JAK2: variants seen among roughly 807,000 people sequenced by gnomAD.
JAK2 encodes tyrosine-protein kinase JAK2.
JAK2 carries 86 observed loss-of-function variants against 139.3 expected under a neutral mutation model. That is an observed-to-expected ratio of 0.62 (90% CI 0.52 to 0.74). JAK2 has a LOEUF of 0.74. Among genes scored for constraint, JAK2 ranks in the 30% least tolerant of loss-of-function variants. JAK2 has a pLI of 0.00. For missense variants in JAK2, 1,421 were observed against 1,360.3 expected (o/e 1.04, Z -0.70); for synonymous variants, 490 against 437.7 (o/e 1.12, Z -1.49).
intron 4 of JAK2, among the ~76,000 whole-genome samples, chr9:5,034,708 A>G (rs1043314421): frequency 2.0e-5 from 3 of 152,144 alleles, no homozygotes; most frequent in African/African-American, 4.8e-5. Flanking sequence ...AAGACACAAC[A>G]TACCAGAATC....
chr9:5,127,676 T>G lies in JAK2; in HGVS notation c.*885T>G. ...CATCCTTTGAGCTGCTGACTGCCAA[T>G]AACATTCTTCGATCTCTGGGATTTA... is the stretch of plus-strand genomic sequence containing the variant. On this transcript the variant is annotated 3_prime_UTR_variant, in exon 25 of 25. Coordinates refer to ENST00000381652, the MANE Select transcript of JAK2 (RefSeq NM_004972.4). 1 of 232,254 alleles carries G rather than the reference T, an allele frequency of 4.3e-6. No homozygotes were observed. The highest frequency in any genetic ancestry group is 8.5e-6 in the Non-Finnish European group (1 of 117,002). The allele number at this position is 232,254 out of a possible 1,614,324, so 14.4% of individuals were successfully genotyped here. A position where few individuals can be genotyped will look rare whatever the true frequency, so the allele number is the denominator to read the frequency against.
chr9:5,055,592 G>A (rs1482487964), intron 7 of JAK2, 77 bp from the exon 8 acceptor site: 17 of 1,135,312 alleles, frequency 1.5e-5, no homozygotes, highest in Non-Finnish European at 2.0e-5. Flanking sequence ...TGGAAAGAAT[G>A]TTGTCTTCTT....
intron 2 of JAK2, among the ~76,000 whole-genome samples, chr9:5,021,205 A>G (rs369844259): frequency 6.6e-5 from 10 of 152,050 alleles, no homozygotes; most frequent in African/African-American, 2.2e-4. Context: ...GGTGTTTTCT[A>G]TCACTTCTCT....
At chr9:5,095,407 C>G (rs1278150265) in intron 22 of JAK2, among the ~76,000 whole-genome samples, 1 of 152,160 alleles carries the variant, frequency 6.6e-6, no homozygotes, top group East Asian at 1.9e-4. Context: ...CAAATATTTT[C>G]TTACACAAGC....
chr9:5,031,852 T>G (rs1198901796), intron 4 of JAK2, among the ~76,000 whole-genome samples: 1 of 152,190 alleles, frequency 6.6e-6, no homozygotes, highest in African/African-American at 2.4e-5. Flanking sequence ...ACGGGTGATT[T>G]CTGCATTTCC....
intron 22 of JAK2, among the ~76,000 whole-genome samples, chr9:5,106,648 C>T (rs10974964): frequency 0.24 from 36,946 of 152,172 alleles, 4,906 homozygotes; most frequent in South Asian, 0.3. Flanking sequence ...TTGGAACCAA[C>T]CCAAATGCCC....
chr9:5,008,358 C>T (rs1007754377), intron 2 of JAK2, among the ~76,000 whole-genome samples: 3 of 152,070 alleles, frequency 2.0e-5, no homozygotes, highest in African/African-American at 7.3e-5. Flanking sequence ...ATGCATTCTT[C>T]AGTTGTTAGG....
In JAK2 at chr9:5,054,590, T is replaced by A. The variant is rs1276845749; in HGVS notation, c.642T>A (p.Ile214=). 1 of 1,597,396 alleles carries A rather than the reference T, an allele frequency of 6.3e-7. No homozygotes were observed. Among genetic ancestry groups the A allele is most frequent in the South Asian group, 1.1e-5 (1 of 88,828 alleles). Residue 214 remains isoleucine, a synonymous_variant, in exon 7 of 25, where the codon ATT becomes ATA. Transcript: ENST00000381652. This position sits in a 1 kb window ranked among gnomAD's most constrained non-coding sequence, Gnocchi z 4.9. ...ISYKTFLPKC[I]RAKIQDYHIL... ...ACAAGACATTCTTACCAAAATGTAT[T>A]CGAGCAAAGATCCAAGACTATCATA...
intron 22 of JAK2, chr9:5,112,652 C>A: frequency 1.0e-6 from 1 of 984,174 alleles, no homozygotes; most frequent in Non-Finnish European, 1.4e-6. Flanking sequence ...CCAGACCAAA[C>A]TCCTTATCCT....
chr9:5,090,681 A>G (rs1586772457), intron 21 of JAK2, 58 bp from the exon 22 acceptor site: 1 of 1,541,592 alleles, frequency 6.5e-7, no homozygotes, highest in African/African-American at 1.4e-5. Context: ...TAGGGTTAAG[A>G]CCATTTAAAT....
intron 22 of JAK2, among the ~76,000 whole-genome samples, chr9:5,115,062 G>C (rs1586827629): frequency 6.6e-6 from 1 of 152,162 alleles, no homozygotes; most frequent in African/African-American, 2.4e-5. Context: ...AGCCAAAATA[G>C]ACAGATGGGA....
intron 2 of JAK2, among the ~76,000 whole-genome samples, chr9:5,008,864 G>T (rs746000661): frequency 6.6e-6 from 1 of 151,918 alleles, no homozygotes; most frequent in Non-Finnish European, 1.5e-5. Context: ...GTACTCCCTG[G>T]ATTGATCCTC....
At chr9:5,114,520 A>C in intron 22 of JAK2, 2 of 470,010 alleles carry the variant, frequency 4.3e-6, no homozygotes. Context: ...GCAACGCTAG[A>C]AGAGCCGAGG....
rs555832044 is a variant in JAK2 at position 5,005,876 on chromosome 9, A to G, written c.-25-16087A>G. 2.4e-3 allele frequency among the ~76,000 whole-genome samples: 365 copies of G among 152,286 alleles called. 2 individuals carry two copies. Among genetic ancestry groups the G allele is most frequent in the African/African-American group, 8.3e-3 (347 of 41,558 alleles). ...ATATCTCTGTTTTGCTACCAGTACC[A>G]TGCTGTTTTGGTTACTGTAGCCTTG... On this transcript the variant is annotated intron_variant, in intron 2 of 24. Coordinates refer to ENST00000381652, the MANE Select transcript of JAK2 (RefSeq NM_004972.4).
At chr9:5,013,314 A>G (rs1345707544) in intron 2 of JAK2, among the ~76,000 whole-genome samples, 1 of 152,262 alleles carries the variant, frequency 6.6e-6, no homozygotes, top group Non-Finnish European at 1.5e-5. Context: ...GTATAGGAAT[A>G]ATTGTAGGAA....
chr9:5,015,606 T>A (rs1304834202), intron 2 of JAK2, among the ~76,000 whole-genome samples: 2 of 151,684 alleles, frequency 1.3e-5, no homozygotes. Context: ...ATGAGCACAA[T>A]CACTGCTCAC....
intron 22 of JAK2, chr9:5,100,185 G>C (rs1821357134): frequency 6.6e-6 from 1 of 152,052 alleles, no homozygotes; most frequent in African/African-American, 2.4e-5. Flanking sequence ...ACCTTATTCA[G>C]GCTTATGTCT....
intron 22 of JAK2, among the ~76,000 whole-genome samples, chr9:5,122,664 G>C (rs1359644744): frequency 6.6e-6 from 1 of 152,012 alleles, no homozygotes; most frequent in Non-Finnish European, 1.5e-5. Context: ...ATTCATTATA[G>C]GGAAATAACA....
intron 22 of JAK2, among the ~76,000 whole-genome samples, chr9:5,101,608 G>A (rs749474470): frequency 2.8e-4 from 43 of 152,222 alleles, no homozygotes; most frequent in Non-Finnish European, 5.1e-4. Context: ...AGCCTAAGTG[G>A]GAGACACCTC....
Sources: allele counts gnomAD v4.1 joint callset (sites outside exome capture counted in the v4.1 genomes callset), GRCh38; gene constraint gnomAD v4.1.1; non-coding constraint Gnocchi (gnomAD v3.1); transcripts MANE v1.5; gene names NCBI Gene and HGNC (gene_info 2026-07-23, HGNC 2026-07-21).